The following PIGL variants were observed in gnomAD, a reference collection of about 807,000 sequenced individuals.
PIGL encodes phosphatidylinositol glycan anchor biosynthesis class L.
A neutral mutation model predicts 31.1 loss-of-function variants in PIGL; 22 were observed. The ratio of observed to expected loss-of-function variants is 0.71; its 90% CI spans 0.51 to 1.01. The LOEUF (loss-of-function observed/expected upper bound fraction) is 1.01, where lower values mean the gene tolerates loss of function less well. Among genes scored for constraint, PIGL ranks in the 50% least tolerant of loss-of-function variants. The pLI is 0.00. For synonymous variants in PIGL, 131 were observed against 117.4 expected, an observed-to-expected ratio of 1.12 and a Z score of -0.75; for missense variants, 302 against 315.9, an observed-to-expected ratio of 0.96 and a Z score of 0.33.
intron 2 of PIGL, among the ~76,000 whole-genome samples, chr17:16,297,947 G>T (rs2092989538): frequency 6.6e-6 from 1 of 152,180 alleles, no homozygotes; most frequent in Admixed American, 6.5e-5. Flanking sequence ...TACTGCCTGA[G>T]CTCTGCCTCC....
chr17:16,278,638 A>G (rs1184064969), intron 2 of PIGL, among the ~76,000 whole-genome samples: 2 of 152,026 alleles, frequency 1.3e-5, no homozygotes, highest in African/African-American at 4.8e-5. Context: ...ATTTTTCACA[A>G]ACCTTCCACA....
chr17:16,310,331 C>G (rs913913381), intron 3 of PIGL, among the ~76,000 whole-genome samples: 11 of 147,210 alleles, frequency 7.5e-5, no homozygotes, highest in African/African-American at 2.8e-4. Context: ...GTGTTCAGTG[C>G]CATGAACAGT....
In PIGL at chr17:16,233,332, A is replaced by G. The variant is rs537760317; in HGVS notation, c.236-639A>G. Among the ~76,000 whole-genome samples, 6 of 152,280 alleles carry G rather than the reference A, an allele frequency of 3.9e-5. No individual in the cohort carries two copies. The South Asian group carries it at 6.2e-4, about 16-fold the overall frequency. ...TTACAGAGGAGTTTTATTTACCAGA[A>G]CTATTTTTAGGGAATATAGTATATG... On this transcript the variant is annotated intron_variant, in intron 1 of 6. Coordinates refer to ENST00000225609, the MANE Select transcript of PIGL (RefSeq NM_004278.4).
rs1030638584 is a variant in PIGL at position 16,316,908 on chromosome 17, C to T, written c.526+196C>T. 35 of 1,370,730 alleles carry T rather than the reference C, an allele frequency of 2.6e-5. No homozygotes were observed. The South Asian group carries it at 4.2e-4, about 17-fold the overall frequency. The allele number at this position is 1,370,730 out of a possible 1,614,324, so 84.9% of individuals were successfully genotyped here. ...TACCAGCAAGTGCCTGCCTGCAGGG[C>T]CACCTCTGGATGAGTGGGGAGGCCA... On this transcript the variant is annotated intron_variant, in intron 5 of 6. Transcript: ENST00000225609.
At chr17:16,253,569 T>C (rs1210806387) in intron 2 of PIGL, among the ~76,000 whole-genome samples, 2 of 152,162 alleles carry the variant, frequency 1.3e-5, no homozygotes, top group Non-Finnish European at 1.5e-5. Context: ...AAGCAGTTTG[T>C]GGTCTAATTT....
intron 1 of PIGL, 41 bp from the exon 2 acceptor site, chr17:16,233,930 T>TAAA: frequency 1.0e-6 from 1 of 991,730 alleles, no homozygotes; most frequent in Non-Finnish European, 1.5e-6. Flanking sequence ...TCTCCACTGT[T>TAAA]AAAAAAAAAA....
chr17:16,311,431 A>G (rs961204324), intron 3 of PIGL, among the ~76,000 whole-genome samples: 26 of 129,994 alleles, frequency 2.0e-4, no homozygotes, highest in African/African-American at 6.4e-4. Context: ...CACAAACCCA[A>G]TAAGTGGTAA....
chr17:16,297,877 T>TC (rs1568831182), intron 2 of PIGL, among the ~76,000 whole-genome samples: 1 of 152,134 alleles, frequency 6.6e-6, no homozygotes, highest in African/African-American at 2.4e-5. Context: ...CCAGTACAGG[T>TC]CCGTGGCCTG....
chr17:16,224,087 C>T (rs545614928), intron 1 of PIGL, among the ~76,000 whole-genome samples: 1 of 151,338 alleles, frequency 6.6e-6, no homozygotes, highest in Admixed American at 6.6e-5. Context: ...TGGTGATGTG[C>T]GCCTGTAGTC....
intron 3 of PIGL, among the ~76,000 whole-genome samples, chr17:16,301,514 C>T (rs1017885838): frequency 3.3e-5 from 5 of 151,658 alleles, no homozygotes; most frequent in East Asian, 3.9e-4. Context: ...CTGCCTGCCT[C>T]GGCCTCCCAA....
chr17:16,254,033 T>TA (rs1347916933), intron 2 of PIGL, among the ~76,000 whole-genome samples: 2 of 152,118 alleles, frequency 1.3e-5, no homozygotes, highest in Admixed American at 6.5e-5. Flanking sequence ...GCCTCAAATA[T>TA]ACCATGCTGT....
At chr17:16,269,091 C>A (rs2092858526) in intron 2 of PIGL, among the ~76,000 whole-genome samples, 1 of 152,164 alleles carries the variant, frequency 6.6e-6, no homozygotes, top group Admixed American at 6.6e-5. Context: ...CTCTATTCTA[C>A]ATCCCTTAAA....
intron 2 of PIGL, among the ~76,000 whole-genome samples, chr17:16,260,307 C>G (rs548784527): frequency 1.2e-4 from 19 of 152,336 alleles, no homozygotes; most frequent in Admixed American, 1.2e-3. Flanking sequence ...GTGGGCTGGG[C>G]TGCCAGTTCC....
intron 6 of PIGL, among the ~76,000 whole-genome samples, chr17:16,324,176 G>A (rs1247712022): frequency 6.6e-6 from 1 of 151,614 alleles, no homozygotes; most frequent in Non-Finnish European, 1.5e-5. Flanking sequence ...TGTTGGTCAG[G>A]CTGGTCTCAA....
intron 2 of PIGL, among the ~76,000 whole-genome samples, chr17:16,242,701 C>G (rs2092728349): frequency 3.5e-5 from 4 of 115,160 alleles, no homozygotes; most frequent in South Asian, 2.9e-4. Context: ...AACACAATCT[C>G]TGCCTCCTGG....
intron 3 of PIGL, among the ~76,000 whole-genome samples, chr17:16,301,665 G>A (rs1216152911): frequency 4.0e-5 from 6 of 149,926 alleles, no homozygotes; most frequent in East Asian, 2.0e-4. Flanking sequence ...TCCGCCTCCC[G>A]GGTTCACGCC....
chr17:16,321,402 A>G (rs1057269340), intron 6 of PIGL, among the ~76,000 whole-genome samples: 3 of 151,832 alleles, frequency 2.0e-5, no homozygotes, highest in African/African-American at 7.3e-5. Context: ...CACCATGCCC[A>G]GCTAATTTTG....
intron 2 of PIGL, among the ~76,000 whole-genome samples, chr17:16,297,782 C>A (rs78684450): frequency 6.6e-6 from 1 of 152,110 alleles, no homozygotes; most frequent in Non-Finnish European, 1.5e-5. Context: ...GTGGAGTGGC[C>A]GACAGGATAG....
intron 2 of PIGL, among the ~76,000 whole-genome samples, chr17:16,297,923 G>T (rs148435303): frequency 6.6e-6 from 1 of 152,144 alleles, no homozygotes; most frequent in African/African-American, 2.4e-5. Context: ...GGTGAGTGAC[G>T]GGCAAGCAAG....
Sources: gnomAD v4.1 joint callset for allele counts (sites outside exome capture counted in the v4.1 genomes callset) on GRCh38, gnomAD v4.1.1 for gene constraint, MANE v1.5 for transcripts, NCBI Gene and HGNC (gene_info 2026-07-23, HGNC 2026-07-21) for gene names.